PDE4D: variants seen among roughly 807,000 people sequenced by gnomAD.
PDE4D encodes the protein phosphodiesterase 4D.
A neutral mutation model predicts 87.4 loss-of-function variants in PDE4D; 24 were observed. That is an observed-to-expected ratio of 0.27 (90% CI 0.20 to 0.39). PDE4D has a LOEUF of 0.39. Ranked by LOEUF, PDE4D falls within the 10% of genes least tolerant of loss-of-function variation. The pLI is 1.00. For synonymous variants in PDE4D, 384 were observed against 383.2 expected (o/e 1.00, Z -0.02); for missense variants, 714 against 1,041.0 (o/e 0.69, Z 4.32).
At chr5:59,105,001 G>T (rs182286800) in intron 5 of PDE4D, among the ~76,000 whole-genome samples, 1 of 152,146 alleles carries the variant, frequency 6.6e-6, no homozygotes, top group African/African-American at 2.4e-5. Context: ...GAGCTGTTCC[G>T]CAAGACAGAA....
intron 1 of PDE4D, among the ~76,000 whole-genome samples, chr5:60,470,151 C>T (rs189345309): frequency 9.2e-5 from 14 of 152,190 alleles, no homozygotes; most frequent in South Asian, 6.2e-4. Context: ...AAAGTTTGGG[C>T]GGTCTGAATA....
intron 1 of PDE4D, among the ~76,000 whole-genome samples, chr5:59,538,410 C>T (rs1268713660): frequency 6.6e-6 from 1 of 152,184 alleles, no homozygotes; most frequent in Non-Finnish European, 1.5e-5. Context: ...CCCTCAAACT[C>T]ACTCCTCTTG....
chr5:59,189,488 C>T (rs1418068462), intron 3 of PDE4D, among the ~76,000 whole-genome samples: 1 of 152,068 alleles, frequency 6.6e-6, no homozygotes, highest in Middle Eastern at 3.2e-3. Flanking sequence ...CTTCATTTAA[C>T]ATTACACACT....
intron 1 of PDE4D, among the ~76,000 whole-genome samples, chr5:59,804,128 C>T (rs563901816): frequency 2.6e-5 from 4 of 152,234 alleles, no homozygotes; most frequent in East Asian, 3.9e-4. Context: ...CATCCATCAC[C>T]GGAGCAGTGT....
intron 5 of PDE4D, among the ~76,000 whole-genome samples, chr5:59,168,890 C>T (rs1782305029): frequency 6.6e-6 from 1 of 152,096 alleles, no homozygotes; most frequent in Non-Finnish European, 1.5e-5. Flanking sequence ...ACTTGTCTAG[C>T]CCAGTTTTGC....
intron 1 of PDE4D, among the ~76,000 whole-genome samples, chr5:60,511,625 T>C (rs1184940087): frequency 6.6e-6 from 1 of 151,682 alleles, no homozygotes; most frequent in African/African-American, 2.4e-5. Flanking sequence ...AGGTAGAAAT[T>C]ATGGACCCTG....
intron 1 of PDE4D, among the ~76,000 whole-genome samples, chr5:60,403,066 G>C (rs1401698340): frequency 1.3e-5 from 2 of 152,118 alleles, no homozygotes; most frequent in African/African-American, 4.8e-5. Context: ...GGAAATCTGA[G>C]GTCAAGGCCC....
At chr5:60,364,274 T>C (rs2149963954) in intron 1 of PDE4D, among the ~76,000 whole-genome samples, 1 of 152,268 alleles carries the variant, frequency 6.6e-6, no homozygotes, top group Middle Eastern at 3.4e-3. Flanking sequence ...TCTGCCAGTG[T>C]AATGTATTAC....
In PDE4D at chr5:59,023,981, C is replaced by A. The variant is rs867397634; in HGVS notation, c.921+14878G>T. Among the ~76,000 whole-genome samples the A allele has an allele frequency of 2.7e-5, 4 of 150,374 alleles. No homozygotes were observed. In the South Asian group the frequency reaches 6.3e-4, roughly 24 times the overall value. ...GCAGTGGCGCCATCTCCATTCACTGCAACCTCTACCTCCTGGGTTCAAGTG... is the reference window on the plus strand; with the variant it reads ...GCAGTGGCGCCATCTCCATTCACTGAAACCTCTACCTCCTGGGTTCAAGTG... On this transcript the variant is annotated intron_variant, in intron 6 of 14. Transcript: ENST00000340635.
intron 1 of PDE4D, among the ~76,000 whole-genome samples, chr5:59,792,120 T>C (rs964263121): frequency 6.6e-6 from 1 of 152,062 alleles, no homozygotes; most frequent in African/African-American, 2.4e-5. Context: ...AGAGAAGAGA[T>C]AAATCCATGA....
intron 3 of PDE4D, chr5:59,986,322 G>C (rs541556616): frequency 6.6e-6 from 1 of 152,462 alleles, no homozygotes; most frequent in Admixed American, 6.5e-5. Context: ...CCAAAGTGCT[G>C]GGATTACAGG....
intron 1 of PDE4D, among the ~76,000 whole-genome samples, chr5:59,713,296 A>C (rs531119124): frequency 6.6e-5 from 10 of 152,254 alleles, no homozygotes; most frequent in Non-Finnish European, 1.2e-4. Context: ...CAGGTCCAGC[A>C]TGACTCAGCA....
rs554607939 is a variant in PDE4D at position 59,496,641 on chromosome 5, G to A, written c.456-280673C>T. Reference sequence around the variant, plus strand: ...GCCCCTAAGGGAGGGGGATGTAGCCGGCTAAAGCCCCTCTTGGGTCAAAGG... The same window carrying A: ...GCCCCTAAGGGAGGGGGATGTAGCCAGCTAAAGCCCCTCTTGGGTCAAAGG... On this transcript the variant is annotated intron_variant, in intron 1 of 14. Coordinates refer to ENST00000340635, the MANE Select transcript of PDE4D (RefSeq NM_001104631.2). Among the ~76,000 whole-genome samples the A allele has an allele frequency of 1.2e-4, 19 of 152,288 alleles. No individual in the cohort carries two copies. The South Asian group carries it at 3.9e-3, about 32-fold the overall frequency.
At chr5:59,832,526 T>C (rs1408039949) in intron 1 of PDE4D, among the ~76,000 whole-genome samples, 2 of 152,084 alleles carry the variant, frequency 1.3e-5, no homozygotes, top group Non-Finnish European at 2.9e-5. Flanking sequence ...TTCATAATCA[T>C]GAATCCCCAT....
intron 1 of PDE4D, among the ~76,000 whole-genome samples, chr5:59,566,945 A>G (rs779251764): frequency 6.6e-6 from 1 of 152,096 alleles, no homozygotes; most frequent in Non-Finnish European, 1.5e-5. Context: ...AAACAAAGGC[A>G]CTGTTGGGTA....
intron 1 of PDE4D, among the ~76,000 whole-genome samples, chr5:60,341,131 G>T (rs73759041): frequency 0.2 from 29,659 of 151,176 alleles, 4,167 homozygotes; most frequent in African/African-American, 0.4. Flanking sequence ...AAAATGTTTG[G>T]TTTTTTTTTC....
intron 3 of PDE4D, among the ~76,000 whole-genome samples, chr5:59,949,487 G>A (rs1581870793): frequency 6.9e-6 from 1 of 144,466 alleles, no homozygotes; most frequent in Non-Finnish European, 1.5e-5. Flanking sequence ...GGTTGTATTA[G>A]AAACACACGT....
chr5:59,125,907 G>A (rs138913790), intron 5 of PDE4D, among the ~76,000 whole-genome samples: 11 of 152,158 alleles, frequency 7.2e-5, no homozygotes, highest in Non-Finnish European at 1.2e-4. Context: ...GGGATGGAGC[G>A]GGGGAGGGGG....
rs191366230 is a variant in PDE4D, at chr5:59,190,943, G to A, written c.684+2557C>T. 6.3e-3 allele frequency among the ~76,000 whole-genome samples: 965 copies of A among 152,218 alleles called. 9 individuals are homozygous for A. The highest frequency in any genetic ancestry group is 0.023 in the African/African-American group (941 of 41,540). On this transcript the variant is annotated intron_variant, in intron 3 of 14. Coordinates refer to ENST00000340635, the MANE Select transcript of PDE4D (RefSeq NM_001104631.2). ...TGAAGCCCCTTAAAAAAAATCGGCA[G>A]CCTCTCAAGTAATGACCACTCTCTA...
Sources: gnomAD v4.1 joint callset for allele counts (sites outside exome capture counted in the v4.1 genomes callset) on GRCh38, gnomAD v4.1.1 for gene constraint, MANE v1.5 for transcripts, NCBI Gene and HGNC (gene_info 2026-07-23, HGNC 2026-07-21) for gene names.